Variants in DOCK6 observed in about 807,000 individuals in gnomAD.
DOCK6 encodes dedicator of cytokinesis protein 6.
A neutral mutation model predicts 230.3 loss-of-function variants in DOCK6; 167 were observed. That is an observed-to-expected ratio of 0.73 (90% CI 0.64 to 0.82). DOCK6 has a LOEUF of 0.82. DOCK6 is among the 40% of genes least tolerant of loss of function. DOCK6 has a pLI of 0.00. For missense variants in DOCK6, 2,598 were observed against 2,825.8 expected (o/e 0.92, Z 1.83); for synonymous variants, 1,148 against 1,185.0 (o/e 0.97, Z 0.64).
At chr19:11,241,060 C>A (rs1055489662) in intron 14 of DOCK6, among the ~76,000 whole-genome samples, 1 of 151,812 alleles carries the variant, frequency 6.6e-6, no homozygotes, top group Non-Finnish European at 1.5e-5. Flanking sequence ...CCCTGGCCAA[C>A]ATGGTGAAAC....
Position 11,202,130 on chromosome 19 carries a change from G to A in DOCK6, c.5452-5C>T. On this transcript the variant is annotated splice_region_variant and splice_polypyrimidine_tract_variant and intron_variant, in intron 43 of 47. Coordinates refer to ENST00000294618, the MANE Select transcript of DOCK6 (RefSeq NM_020812.4). This position sits in a 1 kb window ranked among gnomAD's most constrained non-coding sequence, Gnocchi z 5.3. Reference sequence around the variant, plus strand: ...ATACGTGATCTGGATGTAGGCCTGGGCGCAGGGTCAGGTGTGAGGATCCCA... The same window carrying A: ...ATACGTGATCTGGATGTAGGCCTGGACGCAGGGTCAGGTGTGAGGATCCCA... 1 of 1,613,744 alleles carries A rather than the reference G, an allele frequency of 6.2e-7. No individual in the cohort carries two copies. Among genetic ancestry groups the A allele is most frequent in the African/African-American group, 1.3e-5 (1 of 75,044 alleles).
At position 11,245,625 on chromosome 19, in the gene DOCK6, GGGT is replaced by G; in HGVS notation, c.958_960del (p.Thr320del). The G allele has an allele frequency of 6.3e-7, 1 of 1,598,852 alleles. No individual in the cohort carries two copies. Among genetic ancestry groups the G allele is most frequent in the Non-Finnish European group, 8.5e-7 (1 of 1,172,752 alleles). ...ACAGAGAAGATGGCAGAGCGGGCCA[GGGT>G]GGAGATGGCAGGGTGGGTGCCATGA... On this transcript the variant is annotated inframe_deletion, in exon 9 of 48. Coordinates refer to ENST00000294618, the MANE Select transcript of DOCK6 (RefSeq NM_020812.4).
chr19:11,213,016 A>G (rs924982059), intron 35 of DOCK6, among the ~76,000 whole-genome samples, 160 bp downstream of exon 35: 5 of 151,744 alleles, frequency 3.3e-5, no homozygotes, highest in Non-Finnish European at 5.9e-5. Flanking sequence ...GATTACAGGA[A>G]TGAGCCACGG....
chr19:11,225,106 T>C (rs28625998), intron 24 of DOCK6, among the ~76,000 whole-genome samples: 3,603 of 151,324 alleles, frequency 0.024, 143 homozygotes, highest in African/African-American at 0.082. Flanking sequence ...CGCACCCCTG[T>C]AGTCCCAGCT....
At chr19:11,212,190 C>T (rs1467160946) in intron 35 of DOCK6, 39 bp from the exon 36 acceptor site, 1 of 1,584,038 alleles carries the variant, frequency 6.3e-7, no homozygotes, top group Non-Finnish European at 8.5e-7. Flanking sequence ...CCGGGAGTCT[C>T]AGACCCCAGA....
rs1599256802 is a variant in DOCK6, at chr19:11,236,628, A to C, written c.2161-51T>G. 6.6e-7 allele frequency: 1 copy of C among 1,519,742 alleles called. No individual in the cohort carries two copies. Among genetic ancestry groups the C allele is most frequent in the Admixed American group, 2.0e-5 (1 of 50,508 alleles). 94.1% of individuals were successfully genotyped at this position (1,519,742 alleles called of 1,614,324 possible). A position where few individuals can be genotyped will look rare whatever the true frequency, so the allele number is the denominator to read the frequency against. Reference sequence around the variant, plus strand: ...GGTGGGGCCTCAGGGAATGAAGACCACCCCTGCCTGAATCAGCAGCTTCCC... The same window carrying C: ...GGTGGGGCCTCAGGGAATGAAGACCCCCCCTGCCTGAATCAGCAGCTTCCC... On this transcript the variant is annotated intron_variant, in intron 19 of 47. Transcript: ENST00000294618. The surrounding 1 kb of genome is among the most constrained non-coding windows in gnomAD (Gnocchi z 5.2).
rs751795819 is a variant in DOCK6 at position 11,243,354 on chromosome 19, ACGGCGGCGGT to A, written c.1280_1289del (p.Asp427ValfsTer25). 8 of 1,600,420 alleles carry A rather than the reference ACGGCGGCGGT, an allele frequency of 5.0e-6. No individual in the cohort carries two copies. Among genetic ancestry groups the A allele is most frequent in the Non-Finnish European group, 6.8e-6 (8 of 1,174,300 alleles). ...TACTCGCCCGGTCCTGGGGCCCCCG[ACGGCGGCGGT>A]CTGTCCAGGCTGGCCGGCGCTCTAG... is the stretch of plus-strand genomic sequence containing the variant. On this transcript the variant is annotated frameshift_variant, in exon 12 of 48. Transcript: ENST00000294618. LOFTEE classifies it high-confidence loss of function. The surrounding 1 kb of genome is among the most constrained non-coding windows in gnomAD (Gnocchi z 6.3).
intron 35 of DOCK6, 130 bp downstream of exon 35, chr19:11,213,046 T>C: frequency 7.8e-7 from 1 of 1,282,948 alleles, no homozygotes; most frequent in East Asian, 2.5e-5. Context: ...CCCAATTGCA[T>C]TCTGAGCCCT....
intron 14 of DOCK6, chr19:11,241,841 G>T: frequency 1.5e-6 from 2 of 1,375,772 alleles, no homozygotes; most frequent in Non-Finnish European, 2.0e-6. Context: ...ACGCAGGCGG[G>T]GACAAAGGCA....
At position 11,236,385 on chromosome 19, in the gene DOCK6, G is replaced by T. The variant is rs199700158; in HGVS notation, c.2353C>A (p.Arg785Ser). 1 of 1,578,338 alleles carries T rather than the reference G, an allele frequency of 6.3e-7. No individual in the cohort carries two copies. ...ATGATCGGGGGCCTGATGACCAGAC[G>T]CACGAGCTTGTCCAGCACGTGGTGG... ...FSHHVLDKLV[R>S]LVIRPPIISG... Residue 785 changes from arginine (R) to serine (S), a missense_variant, in exon 20 of 48, where the codon CGT becomes AGT. By Grantham distance (110) the Arg-to-Ser change is moderately radical. Transcript: ENST00000294618. This position sits in a 1 kb window ranked among gnomAD's most constrained non-coding sequence, Gnocchi z 5.2.
intron 28 of DOCK6, chr19:11,221,297 T>C (rs2079575450): frequency 1.2e-5 from 2 of 161,746 alleles, no homozygotes; most frequent in South Asian, 3.4e-4. Context: ...AAAGGCCTAA[T>C]ATATGTGTAA....
At chr19:11,259,836 G>A (rs1169704476) in intron 1 of DOCK6, among the ~76,000 whole-genome samples, 1 of 147,234 alleles carries the variant, frequency 6.8e-6, no homozygotes, top group Non-Finnish European at 1.5e-5. Context: ...ACCTGCCTCG[G>A]CCTCCCAAAG....
At chr19:11,261,708 C>T (rs1022382505) in intron 1 of DOCK6, among the ~76,000 whole-genome samples, 1 of 152,110 alleles carries the variant, frequency 6.6e-6, no homozygotes, top group Non-Finnish European at 1.5e-5. Flanking sequence ...TCCCCTCCCC[C>T]GTCTGCCCAC....
chr19:11,243,887 G>A lies in DOCK6; in HGVS notation c.1024-5C>T, dbSNP rs1392506631. 1.9e-6 allele frequency: 3 copies of A among 1,605,118 alleles called. No homozygotes were observed. The highest frequency in any genetic ancestry group is 2.6e-6 in the Non-Finnish European group (3 of 1,176,026). ...TTGCTGAAGCACCTTCTCCAACTGC[G>A]GGGCAGATGAATGAATCCAGTGAGG... On this transcript the variant is annotated splice_region_variant and splice_polypyrimidine_tract_variant and intron_variant, in intron 9 of 47. Transcript: ENST00000294618. The surrounding 1 kb of genome is among the most constrained non-coding windows in gnomAD (Gnocchi z 6.3).
In DOCK6 at chr19:11,240,261, C is replaced by G. The variant is rs372714725; in HGVS notation, c.1643+1784G>C. 5.8e-5 allele frequency: 92 copies of G among 1,584,898 alleles called. No homozygotes were observed. In the African/African-American group the frequency reaches 1.0e-3, roughly 17 times the overall value. ...AGAAGTCCAGCTGAGGAGCGCCTGG[C>G]TGGGCCCTGCCTACCGAGAATTTGA... On this transcript the variant is annotated intron_variant, in intron 14 of 47. Coordinates refer to ENST00000294618, the MANE Select transcript of DOCK6 (RefSeq NM_020812.4).
chr19:11,256,407 G>A (rs1049864624), intron 1 of DOCK6, among the ~76,000 whole-genome samples: 10 of 152,132 alleles, frequency 6.6e-5, no homozygotes, highest in Non-Finnish European at 1.0e-4. Flanking sequence ...CCTGCAGTGG[G>A]AAAACGCCGG....
At position 11,202,504 on chromosome 19, in the gene DOCK6, C is replaced by A; in HGVS notation, c.5362-21G>T. 6.2e-7 allele frequency: 1 copy of A among 1,612,416 alleles called. No homozygotes were observed. Among genetic ancestry groups the A allele is most frequent in the African/African-American group, 1.3e-5 (1 of 74,714 alleles). ...AACTCCTGGAGACACAGGGCTGACTCGGGGCCACCCAGGGACAGCCCCTAC... is the reference window on the plus strand; with the variant it reads ...AACTCCTGGAGACACAGGGCTGACTAGGGGCCACCCAGGGACAGCCCCTAC... On this transcript the variant is annotated intron_variant, in intron 42 of 47. Coordinates refer to ENST00000294618, the MANE Select transcript of DOCK6 (RefSeq NM_020812.4). This position sits in a 1 kb window ranked among gnomAD's most constrained non-coding sequence, Gnocchi z 5.3.
At chr19:11,235,067 T>C (rs964692795) in intron 21 of DOCK6, among the ~76,000 whole-genome samples, 4 of 152,090 alleles carry the variant, frequency 2.6e-5, no homozygotes, top group Admixed American at 2.6e-4. Context: ...CTCAGCCTCC[T>C]GAGTAGCTGG....
chr19:11,221,975 C>A lies in DOCK6; in HGVS notation c.3426G>T (p.Leu1142=), dbSNP rs1315909165. 1 of 1,613,882 alleles carries A rather than the reference C, an allele frequency of 6.2e-7. No homozygotes were observed. Among genetic ancestry groups the A allele is most frequent in the Non-Finnish European group, 8.5e-7 (1 of 1,179,880 alleles). The change falls in exon 28 of 48, where the codon CTG becomes CTT. Residue 1142 remains leucine (L), a synonymous_variant. Coordinates refer to ENST00000294618, the MANE Select transcript of DOCK6 (RefSeq NM_020812.4). ...HKKAISAVHS[L]LCGHDTDPRY... is the part of the protein sequence containing the mutation. ...GGGGGTCAGTGTCATGGCCACATAG[C>A]AGGCTGTGCACAGCACTGATGGCCT...
Sources: allele counts gnomAD v4.1 joint callset (sites outside exome capture counted in the v4.1 genomes callset), GRCh38; gene constraint gnomAD v4.1.1; non-coding constraint Gnocchi (gnomAD v3.1); transcripts MANE v1.5; gene names NCBI Gene and HGNC (gene_info 2026-07-23, HGNC 2026-07-21).